Variants in DENND2A observed in about 807,000 individuals in gnomAD.
DENND2A encodes the protein DENN domain-containing protein 2A.
A neutral mutation model predicts 105.3 loss-of-function variants in DENND2A; 53 were observed. That is an observed-to-expected ratio of 0.50 (90% CI 0.40 to 0.63). The LOEUF (loss-of-function observed/expected upper bound fraction) is 0.63, where lower values mean the gene tolerates loss of function less well. Among genes scored for constraint, DENND2A ranks in the 30% least tolerant of loss-of-function variants. The pLI, the probability that DENND2A is intolerant of heterozygous loss-of-function variation, is 0.00. For missense variants in DENND2A, 1,138 were observed against 1,279.6 expected (o/e 0.89, Z 1.69); for synonymous variants, 522 against 508.4 (o/e 1.03, Z -0.36).
chr7:140,578,125 C>T (rs1798382597), intron 5 of DENND2A, among the ~76,000 whole-genome samples: 1 of 152,136 alleles, frequency 6.6e-6, no homozygotes, highest in African/African-American at 2.4e-5. Context: ...TCTGTAGTGT[C>T]CAAAAGGGAA....
At chr7:140,617,713 C>CA (rs1483938124) in intron 1 of DENND2A, among the ~76,000 whole-genome samples, 1 of 152,042 alleles carries the variant, frequency 6.6e-6, no homozygotes, top group Non-Finnish European at 1.5e-5. Flanking sequence ...GACCCTGTCT[C>CA]AAAACAACAA....
In DENND2A at chr7:140,527,143, TCTGA is replaced by T; in HGVS notation, c.2505+171_2505+174del. ...AAACAGTGTTTGCAGTCACTGAGGG[TCTGA>T]CTGAGTCAGCCTCTGGGCAGGACCC... On this transcript the variant is annotated intron_variant, in intron 15 of 19. Coordinates refer to ENST00000496613, the MANE Select transcript of DENND2A (RefSeq NM_015689.5). This position sits in a 1 kb window ranked among gnomAD's most constrained non-coding sequence, Gnocchi z 4.9. Among the ~76,000 whole-genome samples the T allele has an allele frequency of 6.6e-6, 1 of 151,954 alleles. No homozygotes were observed. Among genetic ancestry groups the T allele is most frequent in the Non-Finnish European group, 1.5e-5 (1 of 68,000 alleles).
rs76284493 is a variant in DENND2A at position 140,567,434 on chromosome 7, T to A, written c.1592-161A>T. 5.7e-3 allele frequency among the ~76,000 whole-genome samples: 873 copies of A among 152,276 alleles called. 10 individuals carry two copies. Among genetic ancestry groups the A allele is most frequent in the African/African-American group, 0.018 (759 of 41,550 alleles). On this transcript the variant is annotated intron_variant, in intron 8 of 19. Coordinates refer to ENST00000496613, the MANE Select transcript of DENND2A (RefSeq NM_015689.5). ...GTTATGTAATTATCAGCTCAAGTAC[T>A]TTTTTCTAATCCCCAAAGTGTTTCT...
chr7:140,547,050 C>G, intron 12 of DENND2A, 111 bp from the exon 13 acceptor site: 2 of 1,400,166 alleles, frequency 1.4e-6, no homozygotes, highest in Non-Finnish European at 1.9e-6. Context: ...ATGGGGAAGC[C>G]CTGCTTTCCC....
At chr7:140,520,094 A>G (rs1159710692) in intron 18 of DENND2A, among the ~76,000 whole-genome samples, 8 of 152,072 alleles carry the variant, frequency 5.3e-5, no homozygotes, top group Non-Finnish European at 1.5e-5. Flanking sequence ...ACCTGAGATC[A>G]GGAGTTCGAG....
intron 3 of DENND2A, among the ~76,000 whole-genome samples, chr7:140,594,197 C>G (rs373372376): frequency 1.3e-5 from 2 of 152,144 alleles, no homozygotes; most frequent in Non-Finnish European, 2.9e-5. Flanking sequence ...CGTGAGCCAC[C>G]GTGCCCGGCC....
At chr7:140,547,546 G>C (rs1021160796) in intron 12 of DENND2A, among the ~76,000 whole-genome samples, 2 of 152,162 alleles carry the variant, frequency 1.3e-5, no homozygotes, top group Middle Eastern at 3.2e-3. Context: ...ATGTAAAATA[G>C]TGAAGCTACT....
intron 5 of DENND2A, among the ~76,000 whole-genome samples, chr7:140,580,568 C>T (rs1010990598): frequency 6.6e-6 from 1 of 152,156 alleles, no homozygotes; most frequent in African/African-American, 2.4e-5. Context: ...AATCCTCCCA[C>T]CTTGGCTTCC....
chr7:140,519,625 G>GC lies in DENND2A; in HGVS notation c.2998+6dup. On this transcript the variant is annotated splice_region_variant and intron_variant, in intron 19 of 19. Coordinates refer to ENST00000496613, the MANE Select transcript of DENND2A (RefSeq NM_015689.5). The stretch of plus-strand genomic sequence containing the variant: ...ACAGGCTGGGCACCCAGAGCCCGGG[G>GC]CCTTACCTAGTCCCTTCAGGAACTT... 1 of 1,613,534 alleles carries GC rather than the reference G, an allele frequency of 6.2e-7. No homozygotes were observed. The highest frequency in any genetic ancestry group is 8.5e-7 in the Non-Finnish European group (1 of 1,179,634).
At chr7:140,538,549 C>T (rs1796530332) in intron 14 of DENND2A, among the ~76,000 whole-genome samples, 1 of 152,098 alleles carries the variant, frequency 6.6e-6, no homozygotes, top group Non-Finnish European at 1.5e-5. Flanking sequence ...CTCTGTTGCC[C>T]AGGCTGGAGT....
chr7:140,556,398 A>G (rs1797364076), intron 11 of DENND2A, among the ~76,000 whole-genome samples: 1 of 151,610 alleles, frequency 6.6e-6, no homozygotes, highest in Admixed American at 6.6e-5. Flanking sequence ...GAGTGCAGCG[A>G]CGCGATCTCA....
intron 1 of DENND2A, among the ~76,000 whole-genome samples, chr7:140,617,580 C>T (rs924742791): frequency 1.3e-5 from 2 of 151,932 alleles, no homozygotes; most frequent in African/African-American, 2.4e-5. Flanking sequence ...TGGGTGTCGT[C>T]GTGGGCACCT....
intron 3 of DENND2A, among the ~76,000 whole-genome samples, chr7:140,601,031 C>T (rs1799464676): frequency 6.6e-6 from 1 of 152,068 alleles, no homozygotes; most frequent in African/African-American, 2.4e-5. Context: ...TTTCTAAAGC[C>T]CACACCAAGA....
intron 14 of DENND2A, among the ~76,000 whole-genome samples, chr7:140,530,502 G>A (rs990910376): frequency 1.3e-5 from 2 of 151,744 alleles, no homozygotes; most frequent in East Asian, 3.9e-4. Flanking sequence ...ACTGATATTC[G>A]GTCCTTATCT....
chr7:140,559,727 G>A lies in DENND2A; in HGVS notation c.1870C>T (p.Pro624Ser). 6.2e-7 allele frequency: 1 copy of A among 1,613,958 alleles called. No homozygotes were observed. The highest frequency in any genetic ancestry group is 1.3e-5 in the African/African-American group (1 of 75,036). The change falls in exon 10 of 20, where the codon CCT (proline) becomes TCT (serine). Residue 624 changes from proline to serine, a missense_variant. Pro to Ser is a moderately conservative substitution (Grantham distance 74). Coordinates refer to ENST00000496613, the MANE Select transcript of DENND2A (RefSeq NM_015689.5). The surrounding 1 kb of genome is among the most constrained non-coding windows in gnomAD (Gnocchi z 4.1). The part of the protein sequence containing the change: ...FCFPDAKDWV[P>S]VQQFTSETFS... ...TCGTACCTGGTGAACTGCTGGACAG[G>A]AACCCAATCCTTGGCATCGGGAAAA...
intron 9 of DENND2A, among the ~76,000 whole-genome samples, chr7:140,562,832 GTTC>G (rs895511478): frequency 6.6e-6 from 1 of 152,162 alleles, no homozygotes; most frequent in African/African-American, 2.4e-5. Flanking sequence ...TCCTTTAGTT[GTTC>G]TTCTTCAGAA....
At position 140,539,903 on chromosome 7, in the gene DENND2A, G is replaced by A. The variant is rs553872596; in HGVS notation, c.2327+4715C>T. 6.6e-5 allele frequency among the ~76,000 whole-genome samples: 10 copies of A among 152,382 alleles called. 3 individuals carry two copies. Among genetic ancestry groups the A allele is most frequent in the African/African-American group, 2.4e-4 (10 of 41,592 alleles). ...AGGACGATTTATTGGGCAGCGGGGA[G>A]AGCATGTGGAGCCATTTGTAACAGG... On this transcript the variant is annotated intron_variant, in intron 14 of 19. Coordinates refer to ENST00000496613, the MANE Select transcript of DENND2A (RefSeq NM_015689.5).
intron 14 of DENND2A, among the ~76,000 whole-genome samples, chr7:140,530,423 C>T (rs1411467579): frequency 6.6e-6 from 1 of 152,098 alleles, no homozygotes; most frequent in Non-Finnish European, 1.5e-5. Context: ...TGTTCTCTGT[C>T]TTTGCAAATA....
intron 3 of DENND2A, among the ~76,000 whole-genome samples, chr7:140,588,513 A>G (rs1032012447): frequency 6.6e-6 from 1 of 152,168 alleles, no homozygotes; most frequent in Non-Finnish European, 1.5e-5. Context: ...TCCTTATTAT[A>G]GTACAGATAG....
Sources: gnomAD v4.1 joint callset for allele counts (sites outside exome capture counted in the v4.1 genomes callset) on GRCh38, gnomAD v4.1.1 for gene constraint, Gnocchi (gnomAD v3.1) non-coding constraint, MANE v1.5 for transcripts, NCBI Gene and HGNC (gene_info 2026-07-23, HGNC 2026-07-21) for gene names.